Variants in PCSK2 observed in about 807,000 individuals in gnomAD.
The protein encoded by PCSK2 is neuroendocrine convertase 2.
A neutral mutation model predicts 69.7 loss-of-function variants in PCSK2; 14 were observed. The observed-to-expected ratio is 0.20, with a 90% CI of 0.13 to 0.31. The LOEUF (loss-of-function observed/expected upper bound fraction) is 0.31, where lower values mean the gene tolerates loss of function less well. Among genes scored for constraint, PCSK2 ranks in the 10% least tolerant of loss-of-function variants. The pLI, the probability that PCSK2 is intolerant of heterozygous loss-of-function variation, is 1.00. For missense variants in PCSK2, 544 were observed against 842.5 expected, an observed-to-expected ratio of 0.65 and a Z score of 4.39; for synonymous variants, 307 against 320.7, an observed-to-expected ratio of 0.96 and a Z score of 0.46.
chr20:17,482,148 C>T lies in PCSK2; in HGVS notation c.*78C>T. On this transcript the variant is annotated 3_prime_UTR_variant, in exon 12 of 12. Transcript: ENST00000262545. Reference sequence around the variant, plus strand: ...CTCGCTCCACGTTTCAGGCAGGCACCTAGCAATTCCATCACCCGTACAGGC... The same window carrying T: ...CTCGCTCCACGTTTCAGGCAGGCACTTAGCAATTCCATCACCCGTACAGGC... 2 of 1,365,164 alleles carry T rather than the reference C, an allele frequency of 1.5e-6. No homozygotes were observed. The highest frequency in any genetic ancestry group is 2.4e-5 in the Admixed American group (1 of 40,926). 84.6% of individuals were successfully genotyped at this position (1,365,164 alleles called of 1,614,324 possible). A position where few individuals can be genotyped will look rare whatever the true frequency, so the allele number is the denominator to read the frequency against.
intron 1 of PCSK2, among the ~76,000 whole-genome samples, chr20:17,238,221 A>G (rs1200895282): frequency 1.3e-5 from 2 of 152,208 alleles, no homozygotes; most frequent in Non-Finnish European, 2.9e-5. Flanking sequence ...AAATAGAAAA[A>G]TAGTGTTACA....
intron 2 of PCSK2, among the ~76,000 whole-genome samples, chr20:17,330,436 A>T (rs1403096861): frequency 3.3e-5 from 5 of 151,358 alleles, no homozygotes; most frequent in South Asian, 2.1e-4. Context: ...TACTAAAAAT[A>T]AAAAAAAATT....
At chr20:17,443,975 T>C (rs984662913) in intron 8 of PCSK2, among the ~76,000 whole-genome samples, 1 of 152,224 alleles carries the variant, frequency 6.6e-6, no homozygotes, top group Non-Finnish European at 1.5e-5. Context: ...TGGGAATAAA[T>C]TTCCCCAAGC....
chr20:17,403,315 C>A (rs764924980), intron 5 of PCSK2, among the ~76,000 whole-genome samples: 1 of 152,180 alleles, frequency 6.6e-6, no homozygotes, highest in African/African-American at 2.4e-5. Flanking sequence ...AGACATAAAT[C>A]CCTTTAATGT....
intron 2 of PCSK2, among the ~76,000 whole-genome samples, chr20:17,304,027 G>A (rs968873558): frequency 8.0e-5 from 12 of 150,908 alleles, no homozygotes; most frequent in South Asian, 4.2e-4. Flanking sequence ...TCTGGAATGA[G>A]ACCTCTCAAT....
rs144084185 is a variant in PCSK2 at position 17,475,704 on chromosome 20, C to T, written c.1431-5880C>T. 4.8e-3 allele frequency among the ~76,000 whole-genome samples: 734 copies of T among 152,274 alleles called. 6 individuals are homozygous for T. The highest frequency in any genetic ancestry group is 8.6e-3 in the Non-Finnish European group (587 of 68,032). On this transcript the variant is annotated intron_variant, in intron 11 of 11. Coordinates refer to ENST00000262545, the MANE Select transcript of PCSK2 (RefSeq NM_002594.5). Reference sequence around the variant, plus strand: ...CTCCAGTCCACAAGGGTCCTGGGTGCAAATTGGGACAGAAAACAAATTTTC... The same window carrying T: ...CTCCAGTCCACAAGGGTCCTGGGTGTAAATTGGGACAGAAAACAAATTTTC...
chr20:17,421,086 G>A (rs1263038451), intron 6 of PCSK2, among the ~76,000 whole-genome samples: 1 of 152,186 alleles, frequency 6.6e-6, no homozygotes, highest in Non-Finnish European at 1.5e-5. Context: ...GACAGAAACT[G>A]GATAACAGTC....
intron 8 of PCSK2, among the ~76,000 whole-genome samples, chr20:17,441,764 G>A (rs1249509037): frequency 6.6e-6 from 1 of 152,018 alleles, no homozygotes; most frequent in Non-Finnish European, 1.5e-5. Flanking sequence ...CCTCCCACTG[G>A]GTCCTTCCCA....
chr20:17,426,332 C>T (rs1234447274), intron 6 of PCSK2, among the ~76,000 whole-genome samples: 1 of 152,188 alleles, frequency 6.6e-6, no homozygotes, highest in Non-Finnish European at 1.5e-5. Context: ...TTCCTAAGGC[C>T]TCCCAAGCAA....
chr20:17,334,521 C>CG (rs960404232), intron 2 of PCSK2, among the ~76,000 whole-genome samples: 6 of 152,124 alleles, frequency 3.9e-5, no homozygotes, highest in Non-Finnish European at 5.9e-5. Flanking sequence ...CGGATTCTTA[C>CG]GGGGGGGCAA....
intron 7 of PCSK2, among the ~76,000 whole-genome samples, chr20:17,430,311 C>T (rs898880702): frequency 1.3e-5 from 2 of 152,166 alleles, no homozygotes; most frequent in African/African-American, 4.8e-5. Context: ...CAGTCTTTTT[C>T]CAAGTTTTGC....
chr20:17,242,699 G>C (rs772663261), intron 1 of PCSK2, among the ~76,000 whole-genome samples: 4 of 152,130 alleles, frequency 2.6e-5, no homozygotes, highest in African/African-American at 4.8e-5. Flanking sequence ...GTCACATCTG[G>C]TTACTCAAAG....
chr20:17,456,274 C>T (rs1195096572), intron 9 of PCSK2, 74 bp from the exon 10 acceptor site: 7 of 771,342 alleles, frequency 9.1e-6, no homozygotes, highest in Non-Finnish European at 1.6e-5. Context: ...AGTAGATAAT[C>T]CCCTGCTCCA....
chr20:17,273,705 G>A (rs1342624717), intron 2 of PCSK2, among the ~76,000 whole-genome samples: 1 of 152,100 alleles, frequency 6.6e-6, no homozygotes, highest in Non-Finnish European at 1.5e-5. Flanking sequence ...ATATTAGTTA[G>A]GATAAACTAG....
At chr20:17,348,031 GAAGAAAGA>G (rs377281753) in intron 2 of PCSK2, among the ~76,000 whole-genome samples, 4 of 71,924 alleles carry the variant, frequency 5.6e-5, no homozygotes, top group Non-Finnish European at 8.6e-5. Flanking sequence ...GAGAAAGAAA[GAAGAAAGA>G]AAGAAAGAAA....
chr20:17,229,282 G>C (rs920230150), intron 1 of PCSK2, among the ~76,000 whole-genome samples: 1 of 151,710 alleles, frequency 6.6e-6, no homozygotes, highest in Non-Finnish European at 1.5e-5. Flanking sequence ...GTGAACCCAT[G>C]CTCTTTACTC....
intron 2 of PCSK2, among the ~76,000 whole-genome samples, chr20:17,276,686 C>G (rs1988092426): frequency 6.6e-6 from 1 of 152,122 alleles, no homozygotes; most frequent in South Asian, 2.1e-4. Flanking sequence ...CTCACCACTC[C>G]TATTCAACAT....
At chr20:17,280,225 G>C (rs943223257) in intron 2 of PCSK2, among the ~76,000 whole-genome samples, 15 of 152,226 alleles carry the variant, frequency 9.9e-5, no homozygotes, top group Middle Eastern at 3.4e-3. Flanking sequence ...GTATATCTTA[G>C]AGAATTTGAC....
At chr20:17,413,647 A>T (rs193228212) in intron 6 of PCSK2, among the ~76,000 whole-genome samples, 295 of 152,322 alleles carry the variant, frequency 1.9e-3, no homozygotes, top group African/African-American at 6.7e-3. Context: ...TAACAAGGAT[A>T]TCCAGGCTTG....
Sources: gnomAD v4.1 joint callset for allele counts (sites outside exome capture counted in the v4.1 genomes callset) on GRCh38, gnomAD v4.1.1 for gene constraint, MANE v1.5 for transcripts, NCBI Gene and HGNC (gene_info 2026-07-23, HGNC 2026-07-21) for gene names.